The following GRB10 variants were observed in gnomAD, a reference collection of about 807,000 sequenced individuals.
GRB10 encodes the protein growth factor receptor-bound protein 10.
In GRB10, 20 loss-of-function variants were observed where a neutral mutation model predicts 80.9. That is an observed-to-expected ratio of 0.25 (90% CI 0.17 to 0.36). The LOEUF (loss-of-function observed/expected upper bound fraction) is 0.36. GRB10 is among the 10% of genes least tolerant of loss of function. GRB10 has a pLI of 1.00. For missense variants in GRB10, 548 were observed against 747.7 expected, an observed-to-expected ratio of 0.73 and a Z score of 3.12; for synonymous variants, 291 against 291.5, an observed-to-expected ratio of 1.00 and a Z score of 0.02.
intron 3 of GRB10, among the ~76,000 whole-genome samples, chr7:50,753,674 C>G (rs1045336784): frequency 2.0e-5 from 3 of 152,224 alleles, no homozygotes; most frequent in Admixed American, 1.3e-4. Context: ...AGCCACCACA[C>G]AGGTGGACCT....
At chr7:50,703,672 T>C (rs1291920361) in intron 5 of GRB10, 149 bp downstream of exon 5, 1 of 641,092 alleles carries the variant, frequency 1.6e-6, no homozygotes, top group African/African-American at 1.8e-5. Flanking sequence ...CTTTCTCTAT[T>C]TGGGAATTCA....
At chr7:50,660,091 T>C (rs546427936) in intron 7 of GRB10, among the ~76,000 whole-genome samples, 1 of 152,236 alleles carries the variant, frequency 6.6e-6, no homozygotes, top group Admixed American at 6.5e-5. Context: ...AAGGCAGTGA[T>C]CACGTGGCAA....
At chr7:50,737,636 G>A (rs1563659497) in intron 3 of GRB10, among the ~76,000 whole-genome samples, 1 of 152,180 alleles carries the variant, frequency 6.6e-6, no homozygotes, top group South Asian at 2.1e-4. Flanking sequence ...ATCACCTGAG[G>A]TCAGGAGTTC....
chr7:50,628,323 C>T (rs144863558), intron 7 of GRB10, among the ~76,000 whole-genome samples: 78 of 152,312 alleles, frequency 5.1e-4, no homozygotes, highest in Non-Finnish European at 1.0e-3. Context: ...CGAGGCTCCC[C>T]GCTCTCTCTG....
intron 5 of GRB10, among the ~76,000 whole-genome samples, chr7:50,690,522 AG>A (rs1368631285): frequency 1.3e-5 from 2 of 152,188 alleles, no homozygotes; most frequent in Non-Finnish European, 2.9e-5. Flanking sequence ...ACTTCGAAAA[AG>A]GATTTGCACT....
At chr7:50,697,514 A>T (rs1310458377) in intron 5 of GRB10, among the ~76,000 whole-genome samples, 1 of 152,222 alleles carries the variant, frequency 6.6e-6, no homozygotes, top group African/African-American at 2.4e-5. Context: ...CCTCTTTGCC[A>T]GATAGCAGTA....
chr7:50,752,870 G>A (rs1242555195), intron 3 of GRB10, among the ~76,000 whole-genome samples: 1 of 152,190 alleles, frequency 6.6e-6, no homozygotes, highest in African/African-American at 2.4e-5. Flanking sequence ...CCAAAAATGG[G>A]GACAGAGGAA....
intron 8 of GRB10, among the ~76,000 whole-genome samples, chr7:50,621,799 T>G (rs2051810720): frequency 6.6e-6 from 1 of 152,240 alleles, no homozygotes; most frequent in African/African-American, 2.4e-5. Flanking sequence ...GGGCAAAAAT[T>G]CCTTGAAGTA....
chr7:50,791,385 A>G (rs2078908933), intron 1 of GRB10, among the ~76,000 whole-genome samples: 1 of 152,220 alleles, frequency 6.6e-6, no homozygotes, highest in Admixed American at 6.5e-5. Context: ...GGCAGGCTAT[A>G]CATACCTGAC....
chr7:50,789,717 A>G lies in GRB10; in HGVS notation c.-294+3507T>C, dbSNP rs192026994. ...AATCTCCCCAGAAATCCATATGTAAAGTAGATGGTTCAAAAATATGAATAT... is the reference window on the plus strand; with the variant it reads ...AATCTCCCCAGAAATCCATATGTAAGGTAGATGGTTCAAAAATATGAATAT... On this transcript the variant is annotated intron_variant, in intron 1 of 16. Transcript: ENST00000335866. Among the ~76,000 whole-genome samples, 642 of 152,346 alleles carry G rather than the reference A, an allele frequency of 4.2e-3. 4 individuals carry two copies. Among genetic ancestry groups the G allele is most frequent in the Middle Eastern group, 0.01 (3 of 294 alleles).
At chr7:50,685,438 C>T (rs2062004083) in intron 5 of GRB10, among the ~76,000 whole-genome samples, 1 of 152,156 alleles carries the variant, frequency 6.6e-6, no homozygotes, top group Admixed American at 6.5e-5. Context: ...GTGGACATAT[C>T]CCGTAGGAAA....
intron 2 of GRB10, among the ~76,000 whole-genome samples, chr7:50,757,764 C>T (rs2075276365): frequency 1.3e-5 from 2 of 152,230 alleles, no homozygotes. Flanking sequence ...GTCACCATCA[C>T]AACAGCATAC....
intron 7 of GRB10, among the ~76,000 whole-genome samples, chr7:50,653,146 G>A (rs2058188015): frequency 6.6e-6 from 1 of 152,188 alleles, no homozygotes; most frequent in Non-Finnish European, 1.5e-5. Flanking sequence ...GTACGATGAG[G>A]AGCAAGGCAT....
intron 5 of GRB10, among the ~76,000 whole-genome samples, chr7:50,681,962 G>A (rs1032300672): frequency 2.0e-5 from 3 of 152,180 alleles, no homozygotes; most frequent in African/African-American, 4.8e-5. Context: ...TCTGAGCCCC[G>A]GGTTGATGAA....
At chr7:50,623,603 G>C (rs549200718) in intron 8 of GRB10, among the ~76,000 whole-genome samples, 1 of 152,356 alleles carries the variant, frequency 6.6e-6, no homozygotes, top group South Asian at 2.1e-4. Flanking sequence ...TGCCCTCCAG[G>C]CTGCAGACAC....
intron 7 of GRB10, among the ~76,000 whole-genome samples, chr7:50,639,386 G>C (rs7806555): frequency 0.43 from 64,833 of 152,060 alleles, 14,078 homozygotes; most frequent in Middle Eastern, 0.55. Context: ...TGAAAGTCAA[G>C]CATGGTTTGC....
At chr7:50,644,871 A>G (rs931329000) in intron 7 of GRB10, among the ~76,000 whole-genome samples, 1 of 152,212 alleles carries the variant, frequency 6.6e-6, no homozygotes, top group African/African-American at 2.4e-5. Flanking sequence ...GGGGCTGGGT[A>G]TGGGATGGGC....
chr7:50,784,554 TA>T (rs2078609793), upstream of GRB10, among the ~76,000 whole-genome samples: 1 of 152,174 alleles, frequency 6.6e-6, no homozygotes, highest in Non-Finnish European at 1.5e-5. Flanking sequence ...CACTCCCCTC[TA>T]TTACAAAATG....
chr7:50,766,904 T>G (rs1300942648), intron 2 of GRB10, among the ~76,000 whole-genome samples: 2 of 152,182 alleles, frequency 1.3e-5, no homozygotes, highest in Admixed American at 1.3e-4. Context: ...AAACCAATCC[T>G]CAACTCAGAA....
Sources: gnomAD v4.1 joint callset for allele counts (sites outside exome capture counted in the v4.1 genomes callset) on GRCh38, gnomAD v4.1.1 for gene constraint, MANE v1.5 for transcripts, NCBI Gene and HGNC (gene_info 2026-07-23, HGNC 2026-07-21) for gene names.